The following NDUFAF6 variants were observed in gnomAD, a reference collection of about 807,000 sequenced individuals.
NDUFAF6 encodes the protein NADH dehydrogenase (ubiquinone) complex I, assembly factor 6.
A neutral mutation model predicts 40.8 loss-of-function variants in NDUFAF6; 45 were observed. That is an observed-to-expected ratio of 1.10 (90% CI 0.87 to 1.42). The LOEUF is 1.42. Ranked by LOEUF, NDUFAF6 falls within the 40% of genes most tolerant of loss-of-function variation. NDUFAF6 has a pLI of 0.00. For missense variants in NDUFAF6, 435 were observed against 418.5 expected (o/e 1.04, Z -0.34); for synonymous variants, 185 against 155.9 (o/e 1.19, Z -1.39).
At chr8:94,942,086 G>A (rs995137757) in intron 1 of NDUFAF6, among the ~76,000 whole-genome samples, 8 of 151,592 alleles carry the variant, frequency 5.3e-5, no homozygotes, top group African/African-American at 1.9e-4. Flanking sequence ...AGGCTGGAGT[G>A]CATGCAGTGA....
At chr8:94,972,742 A>AAAAAAAAG (rs1481227151) in intron 1 of NDUFAF6, among the ~76,000 whole-genome samples, 1 of 150,572 alleles carries the variant, frequency 6.6e-6, no homozygotes, top group Non-Finnish European at 1.5e-5. Flanking sequence ...ACTTAAAAAA[A>AAAAAAAAG]AAAAAAGATC....
chr8:94,981,616 AT>A (rs1825447064), intron 2 of NDUFAF6, among the ~76,000 whole-genome samples: 1 of 152,148 alleles, frequency 6.6e-6, no homozygotes, highest in Non-Finnish European at 1.5e-5. Context: ...GAGCCAATAC[AT>A]TTCCTAAAAC....
At chr8:94,908,015 A>G (rs978834471) in intron 1 of NDUFAF6, among the ~76,000 whole-genome samples, 1 of 152,152 alleles carries the variant, frequency 6.6e-6, no homozygotes, top group African/African-American at 2.4e-5. Flanking sequence ...TATGTTTAAT[A>G]CAGTTTATTT....
At chr8:95,010,509 A>G (rs1307379274) in intron 2 of NDUFAF6, among the ~76,000 whole-genome samples, 5 of 152,248 alleles carry the variant, frequency 3.3e-5, no homozygotes, top group Non-Finnish European at 7.3e-5. Context: ...CACAAAAGTT[A>G]GAAAGTACTG....
intron 1 of NDUFAF6, among the ~76,000 whole-genome samples, chr8:94,932,415 A>G (rs1820501218): frequency 6.6e-6 from 1 of 152,242 alleles, no homozygotes; most frequent in Admixed American, 6.5e-5. Context: ...CATATGATTC[A>G]TTTCCTGCTA....
At chr8:94,915,696 G>C (rs1219006053) in intron 1 of NDUFAF6, among the ~76,000 whole-genome samples, 1 of 152,218 alleles carries the variant, frequency 6.6e-6, no homozygotes, top group East Asian at 1.9e-4. Flanking sequence ...AACTGTGTCA[G>C]TGTTTCCTCT....
intron 1 of NDUFAF6, among the ~76,000 whole-genome samples, chr8:94,909,373 A>AC (rs1818602273): frequency 2.5e-5 from 2 of 78,686 alleles, no homozygotes; most frequent in African/African-American, 7.8e-5. Flanking sequence ...AAAAAAAAAA[A>AC]AAAAAAAAAC....
At chr8:95,003,393 C>T (rs113162164) in intron 2 of NDUFAF6, among the ~76,000 whole-genome samples, 9 of 152,280 alleles carry the variant, frequency 5.9e-5, no homozygotes, top group African/African-American at 1.7e-4. Flanking sequence ...TAAGTAAGGA[C>T]ACAGAGGTAG....
At chr8:95,069,568 T>A (rs567846697) in intron 9 of NDUFAF6, among the ~76,000 whole-genome samples, 1 of 151,374 alleles carries the variant, frequency 6.6e-6, no homozygotes, top group Non-Finnish European at 1.5e-5. Flanking sequence ...TTACCTGAGG[T>A]CAGGAGTTCA....
chr8:94,946,976 A>C (rs1470592087), intron 2 of NDUFAF6, among the ~76,000 whole-genome samples: 1 of 152,164 alleles, frequency 6.6e-6, no homozygotes, highest in South Asian at 2.1e-4. Context: ...TTATCCATAA[A>C]ATGTCTACTT....
chr8:94,922,825 A>C (rs1314721153), intron 1 of NDUFAF6, among the ~76,000 whole-genome samples: 3 of 152,160 alleles, frequency 2.0e-5, no homozygotes, highest in Non-Finnish European at 4.4e-5. Flanking sequence ...TTTGCATTTT[A>C]AAGTTTGATA....
intron 1 of NDUFAF6, among the ~76,000 whole-genome samples, chr8:95,031,297 A>C (rs1417713587): frequency 6.6e-6 from 1 of 152,218 alleles, no homozygotes; most frequent in Admixed American, 6.5e-5. Context: ...GTATGTGTGC[A>C]CACAGTCCTA....
At position 94,998,929 on chromosome 8, in the gene NDUFAF6, G is replaced by GGTGTGTGTGTGTGT. The variant is rs150656787; in HGVS notation, c.-84+17959_-84+17972dup. ...TGGGTTTGTTACGGTTGGAGAGCAGGGTGTGTGTGTGTGTGTATGAAATTA... is the reference window on the plus strand; with the variant it reads ...TGGGTTTGTTACGGTTGGAGAGCAGGGTGTGTGTGTGTGTGTGTGTGTGTGTGTGTATGAAATTA... On this transcript the variant is annotated intron_variant, in intron 2 of 9. Coordinates refer to the NDUFAF6 transcript ENST00000396111. Among the ~76,000 whole-genome samples, 1,461 of 151,012 alleles carry GGTGTGTGTGTGTGT rather than the reference G, an allele frequency of 9.7e-3. 24 individuals are homozygous for GGTGTGTGTGTGTGT. The highest frequency in any genetic ancestry group is 0.034 in the African/African-American group (1,393 of 41,136).
chr8:95,087,003 C>T (rs1309938874), intron 2 of NDUFAF6, among the ~76,000 whole-genome samples: 2 of 152,048 alleles, frequency 1.3e-5, no homozygotes, highest in East Asian at 3.8e-4. Flanking sequence ...GAGGGGCAAG[C>T]TGTCCACTGG....
At chr8:94,993,594 G>T (rs1251661274) in intron 2 of NDUFAF6, among the ~76,000 whole-genome samples, 1 of 152,188 alleles carries the variant, frequency 6.6e-6, no homozygotes, top group Non-Finnish European at 1.5e-5. Context: ...GGATAAGTGG[G>T]CATGGAGGAG....
chr8:94,992,230 G>T (rs1182371909), intron 2 of NDUFAF6, among the ~76,000 whole-genome samples: 1 of 152,176 alleles, frequency 6.6e-6, no homozygotes, highest in Non-Finnish European at 1.5e-5. Context: ...GCTCACACCT[G>T]TAATCCCAGC....
At chr8:95,066,259 G>A (rs1472053449) in intron 9 of NDUFAF6, among the ~76,000 whole-genome samples, 1 of 147,290 alleles carries the variant, frequency 6.8e-6, no homozygotes, top group Non-Finnish European at 1.5e-5. Flanking sequence ...CTATAGGCAT[G>A]TGCCATCATG....
intron 2 of NDUFAF6, among the ~76,000 whole-genome samples, chr8:95,085,330 C>T (rs1216241292): frequency 6.6e-6 from 1 of 152,142 alleles, no homozygotes; most frequent in Admixed American, 6.5e-5. Flanking sequence ...TCTCCTCCTC[C>T]CATGCCTCTT....
chr8:94,966,854 C>T (rs1824051444), intron 1 of NDUFAF6, among the ~76,000 whole-genome samples: 1 of 152,122 alleles, frequency 6.6e-6, no homozygotes, highest in East Asian at 1.9e-4. Context: ...AGGTGTCTGC[C>T]AGCCAAGTGG....
Sources: gnomAD v4.1 joint callset for allele counts (sites outside exome capture counted in the v4.1 genomes callset) on GRCh38, gnomAD v4.1.1 for gene constraint, MANE v1.5 for transcripts, NCBI Gene and HGNC (gene_info 2026-07-23, HGNC 2026-07-21) for gene names.